The following MPP7 variants were observed in gnomAD, a reference collection of about 807,000 sequenced individuals.
MPP7 encodes MAGUK p55 scaffold protein 7.
Under a neutral mutation model 76.5 loss-of-function variants are expected in MPP7, and 60 were observed. That is an observed-to-expected ratio of 0.78 (90% CI 0.64 to 0.97). The LOEUF is 0.97. MPP7 is among the 50% of genes least tolerant of loss of function. The pLI, the probability that MPP7 is intolerant of heterozygous loss-of-function variation, is 0.00. For missense variants in MPP7, 641 were observed against 694.0 expected (o/e 0.92, Z 0.86); for synonymous variants, 237 against 244.5 (o/e 0.97, Z 0.29).
intron 1 of MPP7, among the ~76,000 whole-genome samples, chr10:28,333,274 T>C (rs703019): frequency 0.19 from 28,311 of 151,956 alleles, 2,933 homozygotes; most frequent in Non-Finnish European, 0.23. Context: ...GCCTCTGGAG[T>C]AGCTGAGATT....
chr10:28,134,674 G>A lies in MPP7; in HGVS notation c.316-2983C>T, dbSNP rs187325017. 2.0e-3 allele frequency among the ~76,000 whole-genome samples: 306 copies of A among 152,154 alleles called. 2 individuals carry two copies. The highest frequency in any genetic ancestry group is 3.1e-3 in the South Asian group (15 of 4,824). ...TGAGAGAAAGACTCTAAACGTTCAC[G>A]AAGCCTGATATATCCTTTAGGAACA... is the stretch of plus-strand genomic sequence containing the variant. On this transcript the variant is annotated intron_variant, in intron 5 of 16. Transcript: ENST00000683449.
chr10:28,284,483 A>G (rs1203007966), intron 1 of MPP7, among the ~76,000 whole-genome samples: 2 of 152,180 alleles, frequency 1.3e-5, no homozygotes, highest in African/African-American at 4.8e-5. Context: ...CTGAAGACTG[A>G]AGAAAGTTGC....
chr10:28,294,244 C>A (rs1840989541), intron 1 of MPP7, among the ~76,000 whole-genome samples: 1 of 152,126 alleles, frequency 6.6e-6, no homozygotes, highest in African/African-American at 2.4e-5. Flanking sequence ...GAGGTGGAAC[C>A]TGCAGTGAGC....
chr10:28,122,356 G>A (rs781533938), intron 8 of MPP7, among the ~76,000 whole-genome samples: 12 of 152,152 alleles, frequency 7.9e-5, no homozygotes, highest in South Asian at 2.1e-4. Flanking sequence ...TTTGATCAAC[G>A]CAACTTTCTT....
chr10:28,139,785 A>AC (rs1835455939), intron 5 of MPP7, among the ~76,000 whole-genome samples: 2 of 152,220 alleles, frequency 1.3e-5, no homozygotes, highest in African/African-American at 4.8e-5. Context: ...CACATTGTAT[A>AC]TTTAACCTTG....
At chr10:28,095,035 G>C (rs1010729340) in intron 11 of MPP7, among the ~76,000 whole-genome samples, 1 of 151,874 alleles carries the variant, frequency 6.6e-6, no homozygotes, top group Non-Finnish European at 1.5e-5. Context: ...TGTCTTCATA[G>C]ATTCTCTTTC....
chr10:28,063,486 AT>A (rs1851875107), intron 13 of MPP7, among the ~76,000 whole-genome samples: 1 of 151,382 alleles, frequency 6.6e-6, no homozygotes, highest in South Asian at 2.1e-4. Context: ...AAGTCAAAAG[AT>A]TTGAACACGC....
intron 1 of MPP7, among the ~76,000 whole-genome samples, chr10:28,267,144 A>C (rs958572226): frequency 6.6e-6 from 1 of 152,210 alleles, no homozygotes; most frequent in Non-Finnish European, 1.5e-5. Flanking sequence ...TCATTCACTT[A>C]TATATTGTCT....
intron 2 of MPP7, among the ~76,000 whole-genome samples, chr10:28,203,904 T>C (rs1196682158): frequency 3.3e-5 from 5 of 152,224 alleles, no homozygotes; most frequent in Admixed American, 2.6e-4. Context: ...AATGACTCAA[T>C]ACCTTAGAAC....
chr10:28,282,955 C>G (rs1039832877), intron 1 of MPP7, among the ~76,000 whole-genome samples: 2 of 151,898 alleles, frequency 1.3e-5, no homozygotes, highest in African/African-American at 4.8e-5. Flanking sequence ...AAAAAAGATA[C>G]CTTTTTCTGG....
chr10:28,103,277 A>G (rs1853918790), intron 11 of MPP7, among the ~76,000 whole-genome samples: 1 of 133,016 alleles, frequency 7.5e-6, no homozygotes, highest in African/African-American at 3.0e-5. Flanking sequence ...CTTTGAACAC[A>G]CTGTCAGGGG....
intron 12 of MPP7, 22 bp from the exon 13 acceptor site, chr10:28,069,874 A>C: frequency 6.3e-7 from 1 of 1,593,034 alleles, no homozygotes. Flanking sequence ...GGTAACAGAA[A>C]TTCATTATTG....
intron 1 of MPP7, among the ~76,000 whole-genome samples, chr10:28,264,623 G>A (rs1177684692): frequency 1.3e-5 from 2 of 149,484 alleles, no homozygotes; most frequent in African/African-American, 2.5e-5. Flanking sequence ...CAAAGAAAAA[G>A]ACAGAAAGTC....
At chr10:28,154,148 C>A (rs1053535788) in intron 3 of MPP7, among the ~76,000 whole-genome samples, 1 of 152,154 alleles carries the variant, frequency 6.6e-6, no homozygotes, top group Non-Finnish European at 1.5e-5. Context: ...AATCCTAAGC[C>A]ATGGACCAAC....
At chr10:28,068,421 A>T (rs1030267105) in intron 13 of MPP7, among the ~76,000 whole-genome samples, 1 of 152,154 alleles carries the variant, frequency 6.6e-6, no homozygotes, top group Non-Finnish European at 1.5e-5. Flanking sequence ...TAAATTTTTT[A>T]AAACAGTACT....
upstream of MPP7, among the ~76,000 whole-genome samples, chr10:28,335,197 C>T (rs1433250577): frequency 1.3e-5 from 2 of 152,208 alleles, no homozygotes. Flanking sequence ...GGAGTAATCC[C>T]AGGGACAGAA....
chr10:28,117,625 GGTTAAAGTGTTTTTAAAT>G (rs1340788077), intron 11 of MPP7, among the ~76,000 whole-genome samples: 1 of 151,946 alleles, frequency 6.6e-6, no homozygotes, highest in Admixed American at 6.6e-5. Flanking sequence ...TCAAAACATA[GGTTAAAGTGTTTTTAAAT>G]GCCATTTAAA....
At chr10:28,327,877 C>A (rs774912364) in intron 2 of MPP7, among the ~76,000 whole-genome samples, 1 of 152,184 alleles carries the variant, frequency 6.6e-6, no homozygotes, top group Non-Finnish European at 1.5e-5. Flanking sequence ...CGGATAATAA[C>A]TCCTTAAAGA....
intron 1 of MPP7, among the ~76,000 whole-genome samples, chr10:28,261,156 C>T (rs574030091): frequency 2.0e-4 from 30 of 152,160 alleles, no homozygotes; most frequent in Non-Finnish European, 3.4e-4. Flanking sequence ...ACCATTTTGG[C>T]AGTGATGTAT....
Sources: gnomAD v4.1 joint callset for allele counts (sites outside exome capture counted in the v4.1 genomes callset) on GRCh38, gnomAD v4.1.1 for gene constraint, MANE v1.5 for transcripts, NCBI Gene and HGNC (gene_info 2026-07-23, HGNC 2026-07-21) for gene names.